The following PRRC2B variants were observed in gnomAD, a reference collection of about 807,000 sequenced individuals.
PRRC2B encodes the protein proline rich coiled-coil 2B, also known as protein PRRC2B.
In PRRC2B, 68 loss-of-function variants were observed where a neutral mutation model predicts 242.3. The observed-to-expected ratio is 0.28, with a 90% confidence interval of 0.23 to 0.34. PRRC2B has a LOEUF of 0.34. PRRC2B is among the 10% of genes least tolerant of loss of function. PRRC2B has a pLI of 1.00. For missense variants in PRRC2B, 2,835 were observed against 2,954.8 expected, an observed-to-expected ratio of 0.96 and a Z score of 0.94; for synonymous variants, 1,228 against 1,173.6, an observed-to-expected ratio of 1.05 and a Z score of -0.95.
At chr9:131,409,201 T>A (rs1036853230) in intron 1 of PRRC2B, among the ~76,000 whole-genome samples, 1 of 149,158 alleles carries the variant, frequency 6.7e-6, no homozygotes, top group Non-Finnish European at 1.5e-5. Context: ...TTTGTATTTT[T>A]AATAGAGATG....
intron 28 of PRRC2B, 193 bp from the exon 29 acceptor site, chr9:131,491,232 A>G: frequency 1.8e-6 from 1 of 545,848 alleles, no homozygotes; most frequent in Non-Finnish European, 3.1e-6. Flanking sequence ...TGCCTCTGCC[A>G]TCGAAGGTGT....
chr9:131,402,310 A>G (rs962755673), intron 1 of PRRC2B, among the ~76,000 whole-genome samples: 1 of 152,168 alleles, frequency 6.6e-6, no homozygotes, highest in Non-Finnish European at 1.5e-5. Flanking sequence ...GTGAAACCGA[A>G]TACTCTTAAG....
chr9:131,488,383 C>T (rs763084096), intron 28 of PRRC2B, among the ~76,000 whole-genome samples: 10 of 152,092 alleles, frequency 6.6e-5, no homozygotes, highest in Non-Finnish European at 1.2e-4. Context: ...CCTGCCTCAG[C>T]CTCCTGAGTA....
rs970620180 is a variant in PRRC2B, at chr9:131,384,812, C to T, written c.-56+11081C>T. ...TCAAGTGATCCACCCACCTTAGCCT[C>T]CCAAAGTGCTGGGATTACAGCTGTG... On this transcript the variant is annotated intron_variant, in intron 1 of 1. Coordinates refer to the PRRC2B transcript ENST00000682525. Among the ~76,000 whole-genome samples the T allele has an allele frequency of 4.6e-5, 7 of 152,278 alleles. No individual in the cohort carries two copies. In the South Asian group the frequency reaches 1.2e-3, roughly 27 times the overall value.
chr9:131,481,836 C>T, intron 20 of PRRC2B, 28 bp downstream of exon 20: 1 of 1,534,906 alleles, frequency 6.5e-7, no homozygotes, highest in Non-Finnish European at 8.8e-7. Context: ...CCACATGCTG[C>T]CCCTGGGATG....
chr9:131,383,907 C>T lies in PRRC2B; in HGVS notation c.-56+10176C>T, dbSNP rs117795619. Among the ~76,000 whole-genome samples, 1,258 of 151,790 alleles carry T rather than the reference C, an allele frequency of 8.3e-3. 21 individuals carry two copies. The highest frequency in any genetic ancestry group is 0.025 in the African/African-American group (1,039 of 41,380). ...AAGTGCTGGGATTACAGGCATAAGT[C>T]ACTGCGCCCGGCCGGTTTTGGTTTA... On this transcript the variant is annotated intron_variant, in intron 1 of 1. Transcript: ENST00000682525.
intron 1 of PRRC2B, among the ~76,000 whole-genome samples, chr9:131,411,323 G>GT (rs1198233729): frequency 7.0e-6 from 1 of 142,510 alleles, no homozygotes; most frequent in Admixed American, 7.5e-5. Context: ...TTTTTTGTTT[G>GT]TTTTTTTGTT....
At position 131,459,294 on chromosome 9, in the gene PRRC2B, G is replaced by A. The variant is rs766612024; in HGVS notation, c.1342G>A (p.Ala448Thr). 1 of 1,613,794 alleles carries A rather than the reference G, an allele frequency of 6.2e-7. No individual in the cohort carries two copies. The highest frequency in any genetic ancestry group is 1.3e-5 in the African/African-American group (1 of 74,910). ...AVGASRVVRK[A>T]PDPQPPPRKL... ...GGGTGCGTCCCGTGTGGTCCGAAAG[G>A]CGCCAGACCCTCAGCCACCGCCCAG... Residue 448 changes from alanine to threonine, a missense_variant, in exon 11 of 32, where the codon GCG (alanine) becomes ACG (threonine). Around this residue, in one of 7 missense-constraint regions of PRRC2B, gnomAD observed 626 missense variants for 685.5 expected, o/e 0.91. Transcript: ENST00000683519.
chr9:131,475,765 C>G lies in PRRC2B; in HGVS notation c.3636C>G (p.Cys1212Trp), dbSNP rs775660396. 23 of 1,613,354 alleles carry G rather than the reference C, an allele frequency of 1.4e-5. No individual in the cohort carries two copies. In the South Asian group the frequency reaches 2.0e-4, roughly 14 times the overall value. The stretch of plus-strand genomic sequence containing the variant: ...CCCTCCCTCCCCGGCTGAGCAATTG[C>G]GGGTATGGACGGAGAACCTTCGTCT... The part of the protein sequence containing the change: ...GRALPPRLSN[C>W]GYGRRTFVSK... The change falls in exon 16 of 32, where the codon TGC becomes TGG. Residue 1212 changes from cysteine to tryptophan, a missense_variant. By Grantham distance (215) the Cys-to-Trp change is radical. Coordinates refer to ENST00000683519, the MANE Select transcript of PRRC2B (RefSeq NM_013318.4).
intron 1 of PRRC2B, among the ~76,000 whole-genome samples, chr9:131,405,161 G>A (rs1383692633): frequency 6.6e-6 from 1 of 152,180 alleles, no homozygotes; most frequent in Non-Finnish European, 1.5e-5. Context: ...GTGAGCTTGG[G>A]CAGACAGCGA....
rs192742904 is a variant in PRRC2B, at chr9:131,495,318, C to A, written c.6556-422C>A. On this transcript the variant is annotated intron_variant, in intron 31 of 31. Coordinates refer to ENST00000683519, the MANE Select transcript of PRRC2B (RefSeq NM_013318.4). The stretch of plus-strand genomic sequence containing the variant: ...CTGTGGGGGCCAAGTCTGCCTAGGG[C>A]CCCAGCAGACAGTCGGGGGCTCCGA... Among the ~76,000 whole-genome samples the A allele has an allele frequency of 2.0e-4, 31 of 152,202 alleles. No individual in the cohort carries two copies. The East Asian group carries it at 5.2e-3, about 26-fold the overall frequency.
At chr9:131,430,499 C>A (rs548529109) in intron 2 of PRRC2B, among the ~76,000 whole-genome samples, 1 of 58,320 alleles carries the variant, frequency 1.7e-5, no homozygotes, top group Non-Finnish European at 3.9e-5. Flanking sequence ...GGAGATATAT[C>A]TATAGATATC....
intron 3 of PRRC2B, among the ~76,000 whole-genome samples, chr9:131,435,526 A>G (rs1838327012): frequency 6.6e-6 from 1 of 151,698 alleles, no homozygotes; most frequent in South Asian, 2.1e-4. Context: ...GAGGCAGGAG[A>G]ATCGCTTGAA....
chr9:131,435,632 AAAAAAAG>A (rs1350107253), intron 3 of PRRC2B, among the ~76,000 whole-genome samples: 59 of 151,620 alleles, frequency 3.9e-4, no homozygotes, highest in African/African-American at 1.4e-3. Context: ...AAAAAAAAAA[AAAAAAAG>A]CCAAAAAATT....
In PRRC2B at chr9:131,478,623, AGGGGCGGAGGGTGGG is replaced by A; in HGVS notation, c.4758+10_4758+24del. 3 of 250,344 alleles carry A rather than the reference AGGGGCGGAGGGTGGG, an allele frequency of 1.2e-5. No homozygotes were observed. The highest frequency in any genetic ancestry group is 1.9e-5 in the Non-Finnish European group (3 of 158,744). The allele number at this position is 250,344 out of a possible 1,614,324, so 15.5% of individuals were successfully genotyped here. ...AAAGAAGGAGCAGGCCGTGCAGGTGAGGGGCGGAGGGTGGGGGGGCATGGGGCTGGAGGGCAGGCT... is the reference window on the plus strand; with the variant it reads ...AAAGAAGGAGCAGGCCGTGCAGGTGAGGGGCATGGGGCTGGAGGGCAGGCT... On this transcript the variant is annotated splice_donor_5th_base_variant and intron_variant, in intron 18 of 31. Transcript: ENST00000683519.
intron 13 of PRRC2B, 130 bp from the exon 14 acceptor site, chr9:131,470,658 C>A: frequency 1.5e-6 from 1 of 684,274 alleles, no homozygotes; most frequent in Non-Finnish European, 2.5e-6. Flanking sequence ...CCCATCCCTC[C>A]CCTCCTTGGT....
intron 14 of PRRC2B, among the ~76,000 whole-genome samples, chr9:131,473,233 C>G (rs1038798117): frequency 5.3e-5 from 8 of 152,144 alleles, no homozygotes; most frequent in Non-Finnish European, 1.2e-4. Context: ...ATCCCCTGTC[C>G]TGAGTGTTAA....
chr9:131,439,125 A>G, intron 5 of PRRC2B, 64 bp downstream of exon 5: 5 of 1,431,950 alleles, frequency 3.5e-6, no homozygotes, highest in Non-Finnish European at 4.9e-6. Context: ...TGCCTTTTCC[A>G]GAATGTCTGG....
chr9:131,440,196 C>T (rs190496789), intron 5 of PRRC2B, among the ~76,000 whole-genome samples: 102 of 152,278 alleles, frequency 6.7e-4, no homozygotes, highest in African/African-American at 2.2e-3. Context: ...CGTAAGCCAC[C>T]GTGCCTGACC....
Sources: allele counts gnomAD v4.1 joint callset (sites outside exome capture counted in the v4.1 genomes callset), GRCh38; gene constraint gnomAD v4.1.1; regional missense constraint gnomAD v4.1.1; transcripts MANE v1.5; gene names NCBI Gene and HGNC (gene_info 2026-07-23, HGNC 2026-07-21).